RBM20: variants seen among roughly 807,000 people sequenced by gnomAD.
RBM20 encodes the protein RNA-binding protein 20.
A neutral mutation model predicts 110.1 loss-of-function variants in RBM20; 51 were observed. That is an observed-to-expected ratio of 0.46 (90% CI 0.37 to 0.59). The LOEUF (loss-of-function observed/expected upper bound fraction) is 0.59, where lower values mean the gene tolerates loss of function less well. Among genes scored for constraint, RBM20 ranks in the 20% least tolerant of loss-of-function variants. RBM20 has a pLI of 0.00. For missense variants in RBM20, 1,512 were observed against 1,574.9 expected (o/e 0.96, Z 0.68); for synonymous variants, 589 against 618.2 (o/e 0.95, Z 0.70).
chr10:110,743,422 T>G (rs1449325971), intron 1 of RBM20, among the ~76,000 whole-genome samples: 1 of 152,192 alleles, frequency 6.6e-6, no homozygotes, highest in East Asian at 1.9e-4. Flanking sequence ...TTATTTTATG[T>G]TGCATGTGAT....
At chr10:110,810,139 T>G (rs1448931994) in intron 7 of RBM20, among the ~76,000 whole-genome samples, 1 of 152,202 alleles carries the variant, frequency 6.6e-6, no homozygotes, top group Non-Finnish European at 1.5e-5. Flanking sequence ...CACATGGATG[T>G]GAACACCAGG....
At chr10:110,668,661 T>A (rs1427339112) in intron 1 of RBM20, among the ~76,000 whole-genome samples, 2 of 152,062 alleles carry the variant, frequency 1.3e-5, no homozygotes, top group Non-Finnish European at 1.5e-5. Context: ...CGATGAGTGA[T>A]GAGAGTGCCA....
intron 12 of RBM20, among the ~76,000 whole-genome samples, chr10:110,829,774 A>G (rs926376956): frequency 9.8e-5 from 15 of 152,292 alleles, no homozygotes; most frequent in Middle Eastern, 3.4e-3. Context: ...AGGCGCTGTC[A>G]TGAGTGGAGA....
At chr10:110,699,908 G>T (rs777162938) in intron 1 of RBM20, among the ~76,000 whole-genome samples, 16 of 152,084 alleles carry the variant, frequency 1.1e-4, no homozygotes, top group Admixed American at 1.3e-4. Flanking sequence ...CTATCATTGA[G>T]GTGGCTACTA....
At chr10:110,806,573 C>A (rs760870809) in intron 7 of RBM20, among the ~76,000 whole-genome samples, 2 of 152,184 alleles carry the variant, frequency 1.3e-5, no homozygotes, top group African/African-American at 4.8e-5. Flanking sequence ...CACCTCCCAC[C>A]AGGCCCCACC....
intron 1 of RBM20, among the ~76,000 whole-genome samples, chr10:110,689,634 A>T (rs1862556723): frequency 6.8e-6 from 1 of 146,894 alleles, no homozygotes; most frequent in South Asian, 2.2e-4. Flanking sequence ...GGTCTTTAAA[A>T]ATCTAGGGAG....
At chr10:110,653,422 A>C (rs1205792794) in intron 1 of RBM20, among the ~76,000 whole-genome samples, 3 of 152,134 alleles carry the variant, frequency 2.0e-5, no homozygotes, top group Non-Finnish European at 4.4e-5. Context: ...AGTAATTTGC[A>C]TAACTATAAT....
At chr10:110,715,344 C>T (rs1862999596) in intron 1 of RBM20, among the ~76,000 whole-genome samples, 1 of 152,178 alleles carries the variant, frequency 6.6e-6, no homozygotes, top group African/African-American at 2.4e-5. Flanking sequence ...GACTAACTCC[C>T]AAGTGGAAGT....
chr10:110,787,879 T>A (rs530790825), intron 5 of RBM20, among the ~76,000 whole-genome samples: 3 of 152,134 alleles, frequency 2.0e-5, no homozygotes, highest in Non-Finnish European at 4.4e-5. Flanking sequence ...CCCCAGTCAT[T>A]GTAGGATGAT....
rs1564844982 is a variant in RBM20, at chr10:110,783,452, C to T, written c.1337+25C>T. On this transcript the variant is annotated intron_variant, in intron 3 of 13. Coordinates refer to ENST00000369519, the MANE Select transcript of RBM20 (RefSeq NM_001134363.3). ...AGTAAGTGCTGTTCAGGAGGACAGGCTCATGCGTAGGCTCAACACATATTC... is the reference window on the plus strand; with the variant it reads ...AGTAAGTGCTGTTCAGGAGGACAGGTTCATGCGTAGGCTCAACACATATTC... 6 of 1,525,678 alleles carry T rather than the reference C, an allele frequency of 3.9e-6. No homozygotes were observed. In the Admixed American group the frequency reaches 5.9e-5, roughly 15 times the overall value. 94.5% of individuals were successfully genotyped at this position (1,525,678 alleles called of 1,614,324 possible). A position where few individuals can be genotyped will look rare whatever the true frequency, so the allele number is the denominator to read the frequency against.
chr10:110,764,478 G>C (rs1268280744), intron 1 of RBM20, among the ~76,000 whole-genome samples: 1 of 152,210 alleles, frequency 6.6e-6, no homozygotes, highest in Non-Finnish European at 1.5e-5. Context: ...CTGAGAACAT[G>C]TGGCATAAAC....
At chr10:110,759,986 A>C (rs1236588076) in intron 1 of RBM20, among the ~76,000 whole-genome samples, 7 of 152,182 alleles carry the variant, frequency 4.6e-5, no homozygotes, top group Non-Finnish European at 1.5e-5. Context: ...GACTGTCTGC[A>C]ATTAGCTCAG....
intron 1 of RBM20, among the ~76,000 whole-genome samples, chr10:110,779,314 T>A (rs1320186634): frequency 6.6e-6 from 1 of 152,124 alleles, no homozygotes; most frequent in African/African-American, 2.4e-5. Flanking sequence ...GCCTGTGCAA[T>A]GAAACCTCCG....
At chr10:110,740,596 C>T (rs1590647381) in intron 1 of RBM20, among the ~76,000 whole-genome samples, 2 of 152,118 alleles carry the variant, frequency 1.3e-5, no homozygotes, top group African/African-American at 4.8e-5. Flanking sequence ...CCCATGTCTC[C>T]CTCTCCCACC....
intron 1 of RBM20, among the ~76,000 whole-genome samples, chr10:110,766,355 C>T (rs1222896529): frequency 7.3e-6 from 1 of 137,766 alleles, no homozygotes. Context: ...ATTGATCATT[C>T]TTGGGTGTTT....
intron 1 of RBM20, among the ~76,000 whole-genome samples, chr10:110,690,094 A>G (rs1290021556): frequency 1.3e-5 from 2 of 152,210 alleles, no homozygotes; most frequent in East Asian, 1.9e-4. Context: ...AAATAGATAC[A>G]TAACCTAACT....
chr10:110,790,018 G>T (rs1350498838), intron 5 of RBM20, among the ~76,000 whole-genome samples: 4 of 152,178 alleles, frequency 2.6e-5, no homozygotes, highest in Non-Finnish European at 4.4e-5. Context: ...CAGTGTCACA[G>T]ATGGGCCACC....
chr10:110,821,217 G>A, intron 10 of RBM20, 58 bp from the exon 11 acceptor site: 1 of 1,427,940 alleles, frequency 7.0e-7, no homozygotes, highest in Non-Finnish European at 9.6e-7. Context: ...CAAGTCTTGT[G>A]CCTTCCAGTT....
rs572033185 is a variant in RBM20, at chr10:110,723,819, C to T, written c.192-56982C>T. Among the ~76,000 whole-genome samples, 32 of 152,256 alleles carry T rather than the reference C, an allele frequency of 2.1e-4. No homozygotes were observed. The South Asian group carries it at 4.2e-3, about 20-fold the overall frequency. On this transcript the variant is annotated intron_variant, in intron 1 of 13. Transcript: ENST00000369519. ...TTTAACCCTGTTGTACAGATGAGCA[C>T]GGCCCTTCCTCTGTGGCAGTGCACA...
Sources: gnomAD v4.1 joint callset for allele counts (sites outside exome capture counted in the v4.1 genomes callset) on GRCh38, gnomAD v4.1.1 for gene constraint, MANE v1.5 for transcripts, NCBI Gene and HGNC (gene_info 2026-07-23, HGNC 2026-07-21) for gene names.